Variants in BDP1 observed in about 807,000 individuals in gnomAD.
The protein encoded by BDP1 is transcription factor TFIIIB component B'' homolog.
In BDP1, 169 loss-of-function variants were observed where a neutral mutation model predicts 266.6. That is an observed-to-expected ratio of 0.63 (90% confidence interval 0.56 to 0.72). The LOEUF is 0.72. Ranked by LOEUF, BDP1 falls within the 30% of genes least tolerant of loss-of-function variation. BDP1 has a pLI of 0.00. For missense variants in BDP1, 3,015 were observed against 3,053.8 expected (o/e 0.99, Z 0.30); for synonymous variants, 1,090 against 1,022.4 (o/e 1.07, Z -1.26).
At chr5:71,499,047 C>G (rs1246036151) in intron 13 of BDP1, among the ~76,000 whole-genome samples, 1 of 152,024 alleles carries the variant, frequency 6.6e-6, no homozygotes, top group Non-Finnish European at 1.5e-5. Context: ...TATGTATGCA[C>G]ACATTTCTAT....
chr5:71,563,811 CTGAGA>C (rs1214327444), intron 38 of BDP1, among the ~76,000 whole-genome samples: 2 of 152,104 alleles, frequency 1.3e-5, no homozygotes, highest in Non-Finnish European at 2.9e-5. Flanking sequence ...ACTTGGGAGG[CTGAGA>C]TAAGAGAATT....
the BDP1 span, among the ~76,000 whole-genome samples, chr5:71,575,440 A>G: frequency 6.6e-6 from 1 of 152,202 alleles, no homozygotes; most frequent in Non-Finnish European, 1.5e-5. Context: ...GAACAATTGG[A>G]TGCAGGACAC....
At position 71,525,468 on chromosome 5, in the gene BDP1, G is replaced by A. The variant is rs533133241; in HGVS notation, c.5772+1145G>A. On this transcript the variant is annotated intron_variant, in intron 25 of 38. Transcript: ENST00000358731. ...GACACCCCCCACCTCCCTCCCGGAC[G>A]GGGCGGCTGGCCGGGCGGGGGGCTG... 5.8e-3 allele frequency among the ~76,000 whole-genome samples: 791 copies of A among 136,288 alleles called. 54 individuals are homozygous for A. Among genetic ancestry groups the A allele is most frequent in the African/African-American group, 0.021 (735 of 35,686 alleles). 89.4% of individuals were successfully genotyped at this position (136,288 alleles called of 152,430 possible).
rs747753459 is a variant in BDP1, at chr5:71,511,093, C to T, written c.4001C>T (p.Thr1334Ile). Residue 1334 changes from threonine (T) to isoleucine (I), a missense_variant, in exon 17 of 39, where the codon ACA (threonine) becomes ATA (isoleucine). Around this residue, in one of 3 missense-constraint regions of BDP1, gnomAD observed 2,383 missense variants for 2,404.9 expected, o/e 0.99. Coordinates refer to ENST00000358731, the MANE Select transcript of BDP1 (RefSeq NM_018429.3). ...EETSTSRQTD[T>I]HLMQSGSNDF... The stretch of plus-strand genomic sequence containing the variant: ...ACCAGTACCTCAAGACAAACTGACA[C>T]ACATTTAATGCAGAGCGGTAGCAAT... The T allele has an allele frequency of 3.7e-6, 6 of 1,613,992 alleles. No homozygotes were observed. The Admixed American group carries it at 8.3e-5, about 22-fold the overall frequency.
intron 7 of BDP1, among the ~76,000 whole-genome samples, chr5:71,477,793 A>AT (rs574377171): frequency 2.7e-5 from 4 of 150,686 alleles, no homozygotes; most frequent in Non-Finnish European, 4.4e-5. Flanking sequence ...TAATTTTTCT[A>AT]TTTTTTTGTA....
In BDP1 at chr5:71,467,359, C is replaced by T; in HGVS notation, c.791C>T (p.Thr264Ile). ...GSIILDEESL[T>I]VEVLRTKGPC... Reference sequence around the variant, plus strand: ...TAAAAATGTGTTTATTTCAGTTTAACTGTAGAAGTTTTAAGAACAAAAGGC... The same window carrying T: ...TAAAAATGTGTTTATTTCAGTTTAATTGTAGAAGTTTTAAGAACAAAAGGC... Residue 264 changes from threonine (T) to isoleucine (I), a missense_variant, in exon 6 of 39, where the codon ACT (threonine) becomes ATT (isoleucine). Coordinates refer to ENST00000358731, the MANE Select transcript of BDP1 (RefSeq NM_018429.3). The T allele has an allele frequency of 6.2e-7, 1 of 1,601,482 alleles. No homozygotes were observed. The highest frequency in any genetic ancestry group is 8.5e-7 in the Non-Finnish European group (1 of 1,172,440).
intron 31 of BDP1, among the ~76,000 whole-genome samples, chr5:71,544,834 C>A (rs1431761943): frequency 1.5e-5 from 2 of 135,690 alleles, no homozygotes; most frequent in Non-Finnish European, 3.0e-5. Context: ...GAGCCAAGAT[C>A]GCGCCACTGC....
chr5:71,551,739 C>G (rs1742779276), intron 34 of BDP1, among the ~76,000 whole-genome samples: 1 of 151,260 alleles, frequency 6.6e-6, no homozygotes, highest in South Asian at 2.1e-4. Context: ...AGAGGTGCCC[C>G]TCACCTCCCG....
intron 26 of BDP1, among the ~76,000 whole-genome samples, chr5:71,537,156 A>C (rs1255782712): frequency 1.3e-4 from 20 of 150,358 alleles, no homozygotes; most frequent in African/African-American, 3.2e-4. Context: ...AACCAAAAAA[A>C]AAAAAAAAAA....
intron 26 of BDP1, among the ~76,000 whole-genome samples, chr5:71,533,970 G>C (rs1766427036): frequency 6.6e-6 from 1 of 152,086 alleles, no homozygotes; most frequent in African/African-American, 2.4e-5. Flanking sequence ...GAGTTGTAAG[G>C]AGTCTTTATA....
chr5:71,480,414 G>T (rs1405233096), intron 7 of BDP1, among the ~76,000 whole-genome samples: 7 of 150,534 alleles, frequency 4.7e-5, no homozygotes, highest in African/African-American at 9.8e-5. Flanking sequence ...GATTACAGAC[G>T]TGAGCCACCG....
At chr5:71,540,112 A>G (rs1766873302) in intron 28 of BDP1, among the ~76,000 whole-genome samples, 1 of 152,224 alleles carries the variant, frequency 6.6e-6, no homozygotes, top group African/African-American at 2.4e-5. Flanking sequence ...AACTGTTCTC[A>G]GTTTGGACAG....
intron 25 of BDP1, among the ~76,000 whole-genome samples, chr5:71,526,520 A>G: frequency 6.8e-6 from 1 of 146,984 alleles, no homozygotes; most frequent in African/African-American, 2.5e-5. Flanking sequence ...GGAAGCTGAG[A>G]CAGGAGAATT....
At chr5:71,577,172 G>T in the BDP1 span, among the ~76,000 whole-genome samples, 1 of 152,176 alleles carries the variant, frequency 6.6e-6, no homozygotes, top group Non-Finnish European at 1.5e-5. Context: ...ATGGATTCCT[G>T]TTAATCTGTC....
Position 71,532,330 on chromosome 5 carries a change from C to G in BDP1, c.5795C>G (p.Pro1932Arg). The G allele has an allele frequency of 6.2e-7, 1 of 1,613,270 alleles. No homozygotes were observed. The highest frequency in any genetic ancestry group is 2.2e-5 in the East Asian group (1 of 44,782). ...CAGCTTGAAATAACTGTGAATGTCC[C>G]AGATGTAGGATGCATAGCTGTTGTT... ...MEELEITVNVPDVGCIAVVEH... is the reference protein window; with the variant it reads ...MEELEITVNVRDVGCIAVVEH... The change falls in exon 26 of 39, where the codon CCA becomes CGA. Residue 1932 changes from proline to arginine, a missense_variant. Pro to Arg is a moderately radical substitution (Grantham distance 103). Transcript: ENST00000358731.
chr5:71,517,499 A>G, intron 22 of BDP1, 47 bp downstream of exon 22: 1 of 1,506,932 alleles, frequency 6.6e-7, no homozygotes, highest in Non-Finnish European at 8.9e-7. Flanking sequence ...CAAAGATAAA[A>G]GTTATATTTT....
chr5:71,495,118 T>G (rs915758482), intron 11 of BDP1, 132 bp from the exon 12 acceptor site: 6 of 470,340 alleles, frequency 1.3e-5, no homozygotes, highest in African/African-American at 8.0e-5. Flanking sequence ...AATGTAGCAG[T>G]TTGTATTACT....
At position 71,462,147 on chromosome 5, in the gene BDP1, G is replaced by A. The variant is rs111454512; in HGVS notation, c.599+221G>A. Among the ~76,000 whole-genome samples the A allele has an allele frequency of 3.4e-3, 523 of 152,080 alleles. 3 individuals carry two copies. Among genetic ancestry groups the A allele is most frequent in the African/African-American group, 0.012 (493 of 41,486 alleles). On this transcript the variant is annotated intron_variant, in intron 3 of 38. Coordinates refer to ENST00000358731, the MANE Select transcript of BDP1 (RefSeq NM_018429.3). ...CCGGCTAATTTTTGTATTTTTAGTA[G>A]AGACTGGGTTTCGCCATGTTGGCTT...
intron 17 of BDP1, 76 bp downstream of exon 17, chr5:71,511,227 G>A: frequency 7.1e-7 from 1 of 1,400,366 alleles, no homozygotes; most frequent in Non-Finnish European, 9.8e-7. Context: ...TGATTATTTT[G>A]TCCTTAAGTC....
Sources: allele counts gnomAD v4.1 joint callset (sites outside exome capture counted in the v4.1 genomes callset), GRCh38; gene constraint gnomAD v4.1.1; regional missense constraint gnomAD v4.1.1; transcripts MANE v1.5; gene names NCBI Gene and HGNC (gene_info 2026-07-23, HGNC 2026-07-21).